TTC28: variants seen among roughly 807,000 people sequenced by gnomAD.
TTC28 encodes tetratricopeptide repeat domain 28.
A neutral mutation model predicts 198.0 loss-of-function variants in TTC28; 61 were observed. The observed-to-expected ratio is 0.31, with a 90% CI of 0.25 to 0.38. TTC28 has a LOEUF of 0.38. TTC28 is among the 10% of genes least tolerant of loss of function. TTC28 has a pLI of 1.00. For synonymous variants in TTC28, 1,171 were observed against 1,297.8 expected, an observed-to-expected ratio of 0.90 and a Z score of 2.10; for missense variants, 2,678 against 3,164.0, an observed-to-expected ratio of 0.85 and a Z score of 3.69.
chr22:28,187,518 T>C (rs1381302044), intron 5 of TTC28, among the ~76,000 whole-genome samples: 1 of 152,202 alleles, frequency 6.6e-6, no homozygotes, highest in Non-Finnish European at 1.5e-5. Context: ...CACTATACAC[T>C]GTAGGCTCCC....
rs149220447 is a variant in TTC28 at position 28,372,396 on chromosome 22, T to C, written c.382-65753A>G. On this transcript the variant is annotated intron_variant, in intron 2 of 22. Transcript: ENST00000397906. ...TACAGAACTTTCAGTGTAAAATTACTGCTGCTTTGAAACTGCAGCATTTCA... is the reference window on the plus strand; with the variant it reads ...TACAGAACTTTCAGTGTAAAATTACCGCTGCTTTGAAACTGCAGCATTTCA... 4.6e-3 allele frequency among the ~76,000 whole-genome samples: 695 copies of C among 152,350 alleles called. 2 individuals are homozygous for C. The highest frequency in any genetic ancestry group is 0.016 in the African/African-American group (659 of 41,580).
chr22:28,100,806 T>C (rs941597617), intron 9 of TTC28, among the ~76,000 whole-genome samples: 18 of 152,340 alleles, frequency 1.2e-4, no homozygotes, highest in Admixed American at 8.5e-4. Flanking sequence ...AAATATGGCC[T>C]TATTGTAAAA....
At position 27,983,080 on chromosome 22, in the gene TTC28, C is replaced by T; in HGVS notation, c.6587G>A (p.Gly2196Asp). The T allele has an allele frequency of 1.9e-6, 3 of 1,551,758 alleles. No individual in the cohort carries two copies. The East Asian group carries it at 7.3e-5, about 38-fold the overall frequency. ...QVSKSNNPED[G>D]VQAPSSTAVF... is the part of the protein sequence containing the mutation. ...AGCAGTGCTGCTGGGCGCCTGAACG[C>T]CGTCTTCAGGGTTATTACTCTTGCT... is the stretch of plus-strand genomic sequence containing the variant. The change falls in exon 23 of 23, where the codon GGC becomes GAC. Residue 2196 changes from glycine (G) to aspartate (D), a missense_variant. Around this residue, in one of 8 missense-constraint regions of TTC28, gnomAD observed 622 missense variants for 656.0 expected, o/e 0.95. Coordinates refer to ENST00000397906, the MANE Select transcript of TTC28 (RefSeq NM_001145418.2).
At chr22:28,338,182 G>A (rs1278244039) in intron 2 of TTC28, among the ~76,000 whole-genome samples, 1 of 152,186 alleles carries the variant, frequency 6.6e-6, no homozygotes, top group African/African-American at 2.4e-5. Context: ...ACTCTCTTCT[G>A]GCTTGTAGAG....
chr22:28,316,290 G>A (rs1197779416), intron 2 of TTC28, among the ~76,000 whole-genome samples: 1 of 152,070 alleles, frequency 6.6e-6, no homozygotes, highest in Admixed American at 6.6e-5. Context: ...TACCCTAACT[G>A]CCTGTCTGAC....
chr22:28,494,949 A>G (rs2048432463), intron 2 of TTC28, among the ~76,000 whole-genome samples: 1 of 152,072 alleles, frequency 6.6e-6, no homozygotes, highest in South Asian at 2.1e-4. Flanking sequence ...ACAATCAAAG[A>G]GCAAAAATTT....
intron 2 of TTC28, among the ~76,000 whole-genome samples, chr22:28,477,759 G>C (rs185213335): frequency 2.6e-5 from 4 of 152,248 alleles, no homozygotes; most frequent in Non-Finnish European, 5.9e-5. Context: ...GCAAGCAGAG[G>C]CTTGAAAATC....
chr22:28,423,415 A>AAAC (rs1247538887), intron 2 of TTC28, among the ~76,000 whole-genome samples: 10 of 152,092 alleles, frequency 6.6e-5, no homozygotes, highest in Non-Finnish European at 4.4e-5. Flanking sequence ...AGAAAAAAGA[A>AAAC]AACAACAACA....
At chr22:28,509,191 CA>C (rs796909640) in intron 2 of TTC28, among the ~76,000 whole-genome samples, 3,074 of 96,460 alleles carry the variant, frequency 0.032, 55 homozygotes, top group African/African-American at 0.076. Flanking sequence ...ATTCTGCCTT[CA>C]AAAAAAAAAA....
intron 5 of TTC28, among the ~76,000 whole-genome samples, chr22:28,263,261 G>T (rs185203558): frequency 6.6e-6 from 1 of 151,978 alleles, no homozygotes; most frequent in Non-Finnish European, 1.5e-5. Context: ...TCTTTAACAG[G>T]CCTCTGAAAT....
At chr22:28,515,493 T>G (rs1177707212) in intron 2 of TTC28, among the ~76,000 whole-genome samples, 2 of 152,074 alleles carry the variant, frequency 1.3e-5, no homozygotes, top group Non-Finnish European at 2.9e-5. Context: ...TCTGGTGGGG[T>G]CTTGCTTCAC....
At chr22:28,017,044 A>T (rs756000054) in intron 13 of TTC28, among the ~76,000 whole-genome samples, 2 of 152,216 alleles carry the variant, frequency 1.3e-5, no homozygotes, top group Non-Finnish European at 2.9e-5. Context: ...GCTGAGCTCG[A>T]ATCCCAGCCT....
At chr22:28,197,407 C>T (rs1925476330) in intron 5 of TTC28, among the ~76,000 whole-genome samples, 1 of 151,588 alleles carries the variant, frequency 6.6e-6, no homozygotes, top group African/African-American at 2.4e-5. Context: ...GCACATGTAC[C>T]CTAAAACTTA....
In TTC28 at chr22:28,391,354, C is replaced by T. The variant is rs570304773; in HGVS notation, c.382-84711G>A. Among the ~76,000 whole-genome samples the T allele has an allele frequency of 7.8e-4, 119 of 152,124 alleles. No homozygotes were observed. In the South Asian group the frequency reaches 9.6e-3, roughly 12 times the overall value. ...CTCTTCTCGAGGAGTATCTTTGTGGCGTTCTCTGTATTTCCTGAATCTGAA... is the reference window on the plus strand; with the variant it reads ...CTCTTCTCGAGGAGTATCTTTGTGGTGTTCTCTGTATTTCCTGAATCTGAA... On this transcript the variant is annotated intron_variant, in intron 2 of 22. Transcript: ENST00000397906.
intron 2 of TTC28, among the ~76,000 whole-genome samples, chr22:28,318,161 C>G (rs964841433): frequency 6.6e-6 from 1 of 151,504 alleles, no homozygotes; most frequent in African/African-American, 2.4e-5. Flanking sequence ...CCTCCTGCCT[C>G]GGCCTCCCAC....
chr22:27,985,437 T>G, intron 21 of TTC28, 81 bp from the exon 22 acceptor site: 1 of 1,111,916 alleles, frequency 9.0e-7, no homozygotes, highest in Non-Finnish European at 1.3e-6. Context: ...GGGCTCCTTG[T>G]GCAACTTCAT....
chr22:28,363,261 C>T (rs1432393069), intron 2 of TTC28, among the ~76,000 whole-genome samples: 1 of 152,134 alleles, frequency 6.6e-6, no homozygotes, highest in Non-Finnish European at 1.5e-5. Flanking sequence ...TAAAAGGGGC[C>T]AGAGTACAGC....
intron 6 of TTC28, among the ~76,000 whole-genome samples, chr22:28,154,530 A>C (rs547540488): frequency 6.6e-6 from 1 of 151,758 alleles, no homozygotes; most frequent in South Asian, 2.1e-4. Flanking sequence ...TTTTCTTTTT[A>C]TATTTTTAGT....
intron 13 of TTC28, 147 bp downstream of exon 13, chr22:28,030,079 G>A: frequency 8.5e-7 from 1 of 1,173,140 alleles, no homozygotes; most frequent in African/African-American, 1.5e-5. Flanking sequence ...CGGGCATGGG[G>A]CTGTGAAAGC....
Sources: allele counts gnomAD v4.1 joint callset (sites outside exome capture counted in the v4.1 genomes callset), GRCh38; gene constraint gnomAD v4.1.1; regional missense constraint gnomAD v4.1.1; transcripts MANE v1.5; gene names NCBI Gene and HGNC (gene_info 2026-07-23, HGNC 2026-07-21).